Variants in EIPR1 observed in about 807,000 individuals in gnomAD.
EIPR1 encodes the protein EARP and GARP complex-interacting protein 1.
In EIPR1, 25 loss-of-function variants were observed where a neutral mutation model predicts 48.1. The observed-to-expected ratio is 0.52, with a 90% CI of 0.38 to 0.73. The LOEUF is 0.73. EIPR1 is among the 30% of genes least tolerant of loss of function. EIPR1 has a pLI of 0.00. For synonymous variants in EIPR1, 204 were observed against 201.9 expected, an observed-to-expected ratio of 1.01 and a Z score of -0.09; for missense variants, 415 against 506.2, an observed-to-expected ratio of 0.82 and a Z score of 1.73.
intron 1 of EIPR1, among the ~76,000 whole-genome samples, chr2:3,372,642 A>C (rs1352435877): frequency 6.6e-6 from 1 of 152,218 alleles, no homozygotes; most frequent in Non-Finnish European, 1.5e-5. Flanking sequence ...GAAATGGATA[A>C]ATTCCTCAAC....
chr2:3,366,964 G>A (rs1382435523), intron 1 of EIPR1, among the ~76,000 whole-genome samples: 1 of 152,132 alleles, frequency 6.6e-6, no homozygotes, highest in East Asian at 1.9e-4. Flanking sequence ...AGAATCACTT[G>A]AACCTGGGAG....
chr2:3,196,756 A>G, intron 6 of EIPR1, 125 bp downstream of exon 6: 1 of 1,365,904 alleles, frequency 7.3e-7, no homozygotes, highest in South Asian at 1.5e-5. Flanking sequence ...TTCCTACAAA[A>G]ACGAGATAAA....
intron 1 of EIPR1, among the ~76,000 whole-genome samples, chr2:3,363,634 G>C (rs1670902601): frequency 6.6e-6 from 1 of 152,136 alleles, no homozygotes; most frequent in Non-Finnish European, 1.5e-5. Context: ...GCAATGAGCA[G>C]AGACTGCACC....
At chr2:3,327,912 T>C (rs1196205295) in intron 3 of EIPR1, among the ~76,000 whole-genome samples, 1 of 152,034 alleles carries the variant, frequency 6.6e-6, no homozygotes, top group Non-Finnish European at 1.5e-5. Context: ...CAGGCTGGAG[T>C]GCAGTGGCAC....
rs1664831497 is a variant in EIPR1, at chr2:3,196,943, G to A, written c.591C>T (p.Asn197=). Residue 197 remains asparagine (N), a synonymous_variant, in exon 6 of 9, where the codon AAC becomes AAT. Transcript: ENST00000382125. ...CGTTCGCTGTGGCCACCTGGGTGCAGTTATGATGTGGGCTCCACCGTCCTG... is the reference window on the plus strand; with the variant it reads ...CGTTCGCTGTGGCCACCTGGGTGCAATTATGATGTGGGCTCCACCGTCCTG... ...FTSGRWSPHH[N]CTQVATANDT... 6.2e-7 allele frequency: 1 copy of A among 1,613,986 alleles called. No homozygotes were observed.
intron 4 of EIPR1, among the ~76,000 whole-genome samples, chr2:3,248,431 T>A (rs923788210): frequency 2.0e-5 from 3 of 152,104 alleles, no homozygotes; most frequent in Non-Finnish European, 4.4e-5. Context: ...CTGTCTCTAC[T>A]AAAAGTACAA....
chr2:3,352,209 G>A (rs55874844), intron 2 of EIPR1, among the ~76,000 whole-genome samples: 17,979 of 128,148 alleles, frequency 0.14, 1,666 homozygotes, highest in Non-Finnish European at 0.18. Context: ...CTACAGAAGC[G>A]ACCTGCCCCT....
chr2:3,297,003 C>T (rs1178883113), intron 3 of EIPR1, among the ~76,000 whole-genome samples: 1 of 151,898 alleles, frequency 6.6e-6, no homozygotes, highest in Non-Finnish European at 1.5e-5. Flanking sequence ...CCATCTACTT[C>T]TCCCGGCACC....
At chr2:3,320,711 A>G (rs1669501696) in intron 3 of EIPR1, among the ~76,000 whole-genome samples, 2 of 152,206 alleles carry the variant, frequency 1.3e-5, no homozygotes, top group South Asian at 4.1e-4. Flanking sequence ...TCTCTCACCA[A>G]AGTGACCCCA....
chr2:3,282,232 G>A (rs755242065), intron 3 of EIPR1, among the ~76,000 whole-genome samples: 19 of 152,238 alleles, frequency 1.2e-4, no homozygotes, highest in Non-Finnish European at 2.5e-4. Context: ...CCGTCAGGTG[G>A]GGGCACTGCC....
rs535148700 is a variant in EIPR1, at chr2:3,334,812, C to T, written c.259+3205G>A. Reference sequence around the variant, plus strand: ...TCGTCTTTCTTCCTTGAGAGGCTGACAGATTAGGGAAATACTTAACAGAAG... The same window carrying T: ...TCGTCTTTCTTCCTTGAGAGGCTGATAGATTAGGGAAATACTTAACAGAAG... On this transcript the variant is annotated intron_variant, in intron 3 of 8. Transcript: ENST00000382125. Among the ~76,000 whole-genome samples the T allele has an allele frequency of 3.9e-5, 6 of 152,306 alleles. No homozygotes were observed. In the South Asian group the frequency reaches 1.2e-3, roughly 32 times the overall value.
intron 3 of EIPR1, among the ~76,000 whole-genome samples, chr2:3,309,554 AATAAACACACGCAC>A (rs773426354): frequency 2.6e-5 from 4 of 152,220 alleles, no homozygotes; most frequent in Non-Finnish European, 4.4e-5. Flanking sequence ...TGGCAGAGGG[AATAAACACACGCAC>A]ATAAACACAC....
chr2:3,197,065 T>C (rs779501663), intron 5 of EIPR1, 48 bp from the exon 6 acceptor site: 6 of 1,606,210 alleles, frequency 3.7e-6, no homozygotes, highest in South Asian at 2.2e-5. Flanking sequence ...AGAAGAAGAA[T>C]GTGAAGTCTG....
At chr2:3,239,571 G>A (rs370735636) in intron 4 of EIPR1, among the ~76,000 whole-genome samples, 67 of 152,232 alleles carry the variant, frequency 4.4e-4, no homozygotes, top group African/African-American at 1.5e-3. Context: ...TGCTTTCCAC[G>A]TGTGGCCCTG....
At chr2:3,223,204 C>T (rs1014576037) in intron 4 of EIPR1, among the ~76,000 whole-genome samples, 1 of 152,194 alleles carries the variant, frequency 6.6e-6, no homozygotes, top group African/African-American at 2.4e-5. Flanking sequence ...ATTCTCAGGC[C>T]TTGGTCGAAA....
chr2:3,208,222 T>C (rs946841440), intron 5 of EIPR1: 3 of 283,404 alleles, frequency 1.1e-5, no homozygotes, highest in African/African-American at 2.2e-5. Context: ...ATCAAATTCA[T>C]GCTCATAGGA....
chr2:3,303,562 C>T (rs549225717), intron 3 of EIPR1, among the ~76,000 whole-genome samples: 1 of 152,352 alleles, frequency 6.6e-6, no homozygotes, highest in African/African-American at 2.4e-5. Flanking sequence ...CCAGCAGAGT[C>T]GGGTCACAGC....
At chr2:3,262,361 A>G (rs6748873) in intron 3 of EIPR1, among the ~76,000 whole-genome samples, 19,252 of 152,188 alleles carry the variant, frequency 0.13, 1,384 homozygotes, top group African/African-American at 0.2. Context: ...GACGGCAGGA[A>G]ACACAAGCTA....
chr2:3,272,141 G>C (rs190867199), intron 3 of EIPR1, among the ~76,000 whole-genome samples: 28 of 152,350 alleles, frequency 1.8e-4, no homozygotes, highest in Admixed American at 8.5e-4. Flanking sequence ...ATGGAATAAA[G>C]AGTGAGGGTC....
Sources: allele counts gnomAD v4.1 joint callset (sites outside exome capture counted in the v4.1 genomes callset), GRCh38; gene constraint gnomAD v4.1.1; transcripts MANE v1.5; gene names NCBI Gene and HGNC (gene_info 2026-07-23, HGNC 2026-07-21).